The following RNF123 variants were observed in gnomAD, a reference collection of about 807,000 sequenced individuals.
RNF123 encodes the protein ring finger protein 123, also known as E3 ubiquitin-protein ligase RNF123.
A neutral mutation model predicts 168.5 loss-of-function variants in RNF123; 86 were observed. The observed-to-expected ratio is 0.51, with a 90% CI of 0.43 to 0.61. RNF123 has a LOEUF of 0.61. RNF123 is among the 20% of genes least tolerant of loss of function. The probability of loss-of-function intolerance (pLI) is 0.00; values close to 1 mark genes in which losing one functional copy is unlikely to be tolerated. For missense variants in RNF123, 1,419 were observed against 1,729.7 expected (o/e 0.82, Z 3.19); for synonymous variants, 666 against 689.1 (o/e 0.97, Z 0.52).
At chr3:49,716,741 G>C (rs890779946) in intron 35 of RNF123, 1 of 462,214 alleles carries the variant, frequency 2.2e-6, no homozygotes, top group African/African-American at 2.0e-5. Flanking sequence ...CTCAGGCCAG[G>C]CATGGGAGGC....
chr3:49,697,261 A>G (rs766188104), intron 4 of RNF123, 39 bp downstream of exon 4: 3 of 1,605,558 alleles, frequency 1.9e-6, no homozygotes, highest in East Asian at 2.2e-5. Context: ...GGAGGTGCAG[A>G]GCTGGGACGT....
In RNF123 at chr3:49,721,408, C is replaced by G; in HGVS notation, c.*103C>G. On this transcript the variant is annotated 3_prime_UTR_variant, in exon 39 of 39. Coordinates refer to ENST00000327697, the MANE Select transcript of RNF123 (RefSeq NM_022064.5). ...TGCCCTTCTCCTGTATCCCACACCA[C>G]CACATCCAACCTCCTTGCCTGCCTG... 7.0e-7 allele frequency: 1 copy of G among 1,423,314 alleles called. No homozygotes were observed. Among genetic ancestry groups the G allele is most frequent in the African/African-American group, 1.4e-5 (1 of 71,374 alleles). The allele number at this position is 1,423,314 out of a possible 1,614,324, so 88.2% of individuals were successfully genotyped here. A position where few individuals can be genotyped will look rare whatever the true frequency, so the allele number is the denominator to read the frequency against.
intron 4 of RNF123, 49 bp downstream of exon 4, chr3:49,697,271 T>C (rs1292979991): frequency 6.2e-7 from 1 of 1,601,210 alleles, no homozygotes; most frequent in African/African-American, 1.3e-5. Flanking sequence ...AGCTGGGACG[T>C]AGCGGGCCTG....
chr3:49,721,134 G>A (rs1051735400), intron 38 of RNF123, 29 bp downstream of exon 38: 3 of 1,613,926 alleles, frequency 1.9e-6, no homozygotes, highest in Non-Finnish European at 2.5e-6. Context: ...TTGGTGGTGG[G>A]GAGAGCAGTA....
Position 49,719,162 on chromosome 3 carries a change from G to A in RNF123, c.3501-1349G>A, listed in dbSNP as rs757222194. 25 of 1,613,438 alleles carry A rather than the reference G, an allele frequency of 1.5e-5. No homozygotes were observed. In the African/African-American group the frequency reaches 2.5e-4, roughly 16 times the overall value. On this transcript the variant is annotated intron_variant, in intron 35 of 38. Transcript: ENST00000327697. ...CCGCTGGCGTTGACGAAGACGCCGC[G>A]ACCCAGCGCATCTAGTTCGTTGTGG...
At chr3:49,697,078 G>T (rs1307037619) in intron 3 of RNF123, 65 bp from the exon 4 acceptor site, 5 of 1,353,188 alleles carry the variant, frequency 3.7e-6, no homozygotes, top group Non-Finnish European at 5.3e-6. Flanking sequence ...GAAAGGATGG[G>T]ATTTAGTGTC....
In RNF123 at chr3:49,721,021, C is replaced by T; in HGVS notation, c.3740C>T (p.Pro1247Leu). Residue 1247 changes from proline (P) to leucine (L), a missense_variant and splice_region_variant, in exon 38 of 39, where the codon CCC (proline) becomes CTC (leucine). This residue lies in a region of RNF123 where 164 missense variants were observed against 152.3 expected (regional missense o/e 1.08). Coordinates refer to ENST00000327697, the MANE Select transcript of RNF123 (RefSeq NM_022064.5). Reference sequence around the variant, plus strand: ...CACCCTTCACTCTCCTCCCTGCAGCCCACCAGTGAGGAGGACCTCTGCCCC... The same window carrying T: ...CACCCTTCACTCTCCTCCCTGCAGCTCACCAGTGAGGAGGACCTCTGCCCC... ...ASAQAAAASLPTSEEDLCPIC... is the reference protein window; with the variant it reads ...ASAQAAAASLLTSEEDLCPIC... 1 of 1,611,290 alleles carries T rather than the reference C, an allele frequency of 6.2e-7. No individual in the cohort carries two copies. The highest frequency in any genetic ancestry group is 8.5e-7 in the Non-Finnish European group (1 of 1,178,054).
At chr3:49,712,755 T>A (rs3749240) in intron 27 of RNF123, 99 bp downstream of exon 27, 716,237 of 1,337,100 alleles carry the variant, frequency 0.54, 197,908 homozygotes, top group East Asian at 0.79. Context: ...AGCAACACAC[T>A]TCTGTGGGGG....
chr3:49,716,918 T>TCGGCCC (rs1424164140), intron 35 of RNF123: 1 of 162,796 alleles, frequency 6.1e-6, no homozygotes, highest in Non-Finnish European at 1.4e-5. Flanking sequence ...GGCCCCCAGC[T>TCGGCCC]CGGCCCCCAC....
chr3:49,705,335 A>G (rs1385826628), intron 23 of RNF123, 153 bp downstream of exon 23: 6 of 1,205,546 alleles, frequency 5.0e-6, no homozygotes, highest in Non-Finnish European at 6.9e-6. Context: ...CGAGGGCAGG[A>G]GATCAATGCC....
At position 49,716,389 on chromosome 3, in the gene RNF123, T is replaced by C; in HGVS notation, c.3416-4T>C. On this transcript the variant is annotated splice_region_variant and splice_polypyrimidine_tract_variant and intron_variant, in intron 34 of 38. Transcript: ENST00000327697. ...GCTCATCTCTTTCCTCCCCTTCCCC[T>C]CAGGCCTAGAGAGCGTGGACCACTA... The C allele has an allele frequency of 6.2e-7, 1 of 1,613,280 alleles. No individual in the cohort carries two copies. The highest frequency in any genetic ancestry group is 8.5e-7 in the Non-Finnish European group (1 of 1,179,504).
chr3:49,705,721 G>C, intron 24 of RNF123, 42 bp downstream of exon 24: 1 of 1,612,626 alleles, frequency 6.2e-7, no homozygotes, highest in African/African-American at 1.3e-5. Flanking sequence ...CGGGTGTTGT[G>C]CGTGTTTGGT....
intron 34 of RNF123, 85 bp downstream of exon 34, chr3:49,716,262 G>A: frequency 6.4e-7 from 1 of 1,565,984 alleles, no homozygotes; most frequent in East Asian, 2.3e-5. Context: ...TCCACATTCT[G>A]CCCCCGGACA....
At chr3:49,718,208 GC>G in intron 35 of RNF123, 1 of 1,612,382 alleles carries the variant, frequency 6.2e-7, no homozygotes, top group South Asian at 1.1e-5. Context: ...GGTGTTTGGG[GC>G]CAGCGGCGGC....
intron 3 of RNF123, among the ~76,000 whole-genome samples, chr3:49,691,721 C>A (rs1212376949): frequency 6.6e-6 from 1 of 152,186 alleles, no homozygotes; most frequent in Non-Finnish European, 1.5e-5. Context: ...TTCTGAGAGT[C>A]AGGGAGCAGA....
intron 30 of RNF123, 42 bp from the exon 31 acceptor site, chr3:49,714,048 G>A (rs775580533): frequency 6.8e-6 from 11 of 1,613,078 alleles, no homozygotes; most frequent in Non-Finnish European, 9.3e-6. Context: ...GGGAGAGGGT[G>A]CGCTGTCCCA....
At chr3:49,711,781 G>T (rs1486994430) in intron 26 of RNF123, among the ~76,000 whole-genome samples, 2 of 152,156 alleles carry the variant, frequency 1.3e-5, no homozygotes, top group African/African-American at 2.4e-5. Context: ...AGGGCCCTCA[G>T]CAGGTTTTGT....
At chr3:49,714,590 C>T (rs1184387394) in intron 31 of RNF123, among the ~76,000 whole-genome samples, 3 of 152,268 alleles carry the variant, frequency 2.0e-5, no homozygotes, top group Non-Finnish European at 4.4e-5. Flanking sequence ...GTGGCAGACC[C>T]TGGCCTTGGC....
intron 30 of RNF123, 31 bp from the exon 31 acceptor site, chr3:49,714,059 T>C (rs758021158): frequency 4.3e-6 from 7 of 1,613,606 alleles, no homozygotes; most frequent in Non-Finnish European, 5.9e-6. Context: ...CGCTGTCCCA[T>C]TGACCTGGGC....
Sources: gnomAD v4.1 joint callset for allele counts (sites outside exome capture counted in the v4.1 genomes callset) on GRCh38, gnomAD v4.1.1 for gene constraint, gnomAD v4.1.1 regional missense constraint, MANE v1.5 for transcripts, NCBI Gene and HGNC (gene_info 2026-07-23, HGNC 2026-07-21) for gene names.